PDSS2: variants seen among roughly 807,000 people sequenced by gnomAD.
PDSS2 encodes the protein decaprenyl diphosphate synthase subunit 2, also known as all trans-polyprenyl-diphosphate synthase PDSS2.
In PDSS2, 31 loss-of-function variants were observed where a neutral mutation model predicts 44.5. The ratio of observed to expected loss-of-function variants is 0.70; its 90% CI spans 0.52 to 0.94. The LOEUF (loss-of-function observed/expected upper bound fraction) is 0.94. Ranked by LOEUF, PDSS2 falls within the 40% of genes least tolerant of loss-of-function variation. The pLI, the probability that PDSS2 is intolerant of heterozygous loss-of-function variation, is 0.00. For synonymous variants in PDSS2, 157 were observed against 180.3 expected (o/e 0.87, Z 1.03); for missense variants, 452 against 482.2 (o/e 0.94, Z 0.59).
chr6:107,402,487 C>CTTAT (rs757828638), intron 1 of PDSS2, among the ~76,000 whole-genome samples: 1 of 37,570 alleles, frequency 2.7e-5, no homozygotes, highest in Non-Finnish European at 9.1e-5. Flanking sequence ...TACATATATA[C>CTTAT]GTATATATGT....
chr6:107,234,844 G>A (rs1774172851), intron 4 of PDSS2, among the ~76,000 whole-genome samples: 1 of 152,098 alleles, frequency 6.6e-6, no homozygotes, highest in Admixed American at 6.6e-5. Flanking sequence ...AAAATTTATA[G>A]GAGGGAAATG....
intron 1 of PDSS2, among the ~76,000 whole-genome samples, chr6:107,355,585 C>T (rs1387774714): frequency 6.6e-6 from 1 of 152,116 alleles, no homozygotes; most frequent in Admixed American, 6.5e-5. Context: ...TCCAATCAAG[C>T]TCACCACCCC....
intron 2 of PDSS2, among the ~76,000 whole-genome samples, chr6:107,323,403 T>C (rs1476940359): frequency 6.6e-6 from 1 of 152,190 alleles, no homozygotes; most frequent in African/African-American, 2.4e-5. Context: ...CACAGGATAG[T>C]TGAACCTATC....
chr6:107,171,514 C>CT lies in PDSS2; in HGVS notation c.1042-16738dup, dbSNP rs140571762. On this transcript the variant is annotated intron_variant, in intron 7 of 7. Coordinates refer to ENST00000369037, the MANE Select transcript of PDSS2 (RefSeq NM_020381.4). ...AAAAGACCACAATTTTTTTCAAGTT[C>CT]TTTTTTTTTCTTTTTGAGACAGCGT... 0.01 allele frequency among the ~76,000 whole-genome samples: 1,511 copies of CT among 150,954 alleles called. 68 individuals are homozygous for CT. In the East Asian group the frequency reaches 0.16, roughly 16 times the overall value.
chr6:107,441,194 A>C (rs1443658041), intron 1 of PDSS2, among the ~76,000 whole-genome samples: 1 of 152,212 alleles, frequency 6.6e-6, no homozygotes, highest in Non-Finnish European at 1.5e-5. Context: ...CAGCAAGATA[A>C]AAGAAGGGAG....
chr6:107,263,138 A>ATT (rs1410470469), intron 3 of PDSS2, among the ~76,000 whole-genome samples: 1 of 147,294 alleles, frequency 6.8e-6, no homozygotes, highest in African/African-American at 2.5e-5. Flanking sequence ...TAGAATGCAG[A>ATT]TTTTTTTTTT....
intron 3 of PDSS2, among the ~76,000 whole-genome samples, chr6:107,252,724 TTC>T (rs1329330934): frequency 1.3e-5 from 2 of 152,060 alleles, no homozygotes; most frequent in Non-Finnish European, 2.9e-5. Flanking sequence ...AGCCCAGGAG[TTC>T]GAGACCAGCC....
intron 1 of PDSS2, among the ~76,000 whole-genome samples, chr6:107,358,722 A>T (rs1247738110): frequency 6.6e-6 from 1 of 152,198 alleles, no homozygotes; most frequent in Non-Finnish European, 1.5e-5. Flanking sequence ...CAATCTTGGC[A>T]CTAATGGCAT....
chr6:107,222,284 G>A (rs184660955), intron 4 of PDSS2, among the ~76,000 whole-genome samples: 1 of 152,214 alleles, frequency 6.6e-6, no homozygotes, highest in East Asian at 1.9e-4. Flanking sequence ...TCTCCTGGGA[G>A]CTAACTATGT....
At chr6:107,285,318 TTAAATC>T (rs1403524183) in intron 2 of PDSS2, among the ~76,000 whole-genome samples, 1 of 152,182 alleles carries the variant, frequency 6.6e-6, no homozygotes, top group African/African-American at 2.4e-5. Context: ...GTTCTAGATT[TTAAATC>T]TTACTATAAA....
intron 2 of PDSS2, among the ~76,000 whole-genome samples, chr6:107,286,136 T>TAAAAAAA (rs1554262539): frequency 2.3e-3 from 293 of 128,654 alleles, no homozygotes; most frequent in African/African-American, 3.4e-3. Context: ...CGTCGCAAAA[T>TAAAAAAA]AAAAAAAAAA....
intron 7 of PDSS2, among the ~76,000 whole-genome samples, chr6:107,165,466 G>A (rs1554247353): frequency 6.6e-6 from 1 of 152,198 alleles, no homozygotes; most frequent in Non-Finnish European, 1.5e-5. Context: ...TCAAAGATCA[G>A]ATGGTTGTAG....
chr6:107,412,094 A>G (rs1023878202), intron 1 of PDSS2, among the ~76,000 whole-genome samples: 2 of 151,426 alleles, frequency 1.3e-5, no homozygotes, highest in Non-Finnish European at 2.9e-5. Context: ...TCACCATGTT[A>G]GCAGGCTGGT....
intron 1 of PDSS2, among the ~76,000 whole-genome samples, chr6:107,349,115 C>T (rs1024597500): frequency 2.6e-5 from 4 of 152,134 alleles, no homozygotes; most frequent in Non-Finnish European, 4.4e-5. Context: ...TACCTCATAA[C>T]CATGGGATAC....
chr6:107,200,949 G>A (rs1772748507), intron 6 of PDSS2, among the ~76,000 whole-genome samples: 1 of 152,136 alleles, frequency 6.6e-6, no homozygotes, highest in Non-Finnish European at 1.5e-5. Context: ...ACAGGCATGA[G>A]TCACTGCGGC....
intron 1 of PDSS2, among the ~76,000 whole-genome samples, chr6:107,363,477 G>A (rs1274467705): frequency 6.6e-6 from 1 of 151,972 alleles, no homozygotes; most frequent in Non-Finnish European, 1.5e-5. Context: ...TCTTAAGGCA[G>A]CACGTCTGGA....
chr6:107,199,755 G>A (rs1772706005), intron 6 of PDSS2, among the ~76,000 whole-genome samples: 1 of 152,202 alleles, frequency 6.6e-6, no homozygotes, highest in African/African-American at 2.4e-5. Flanking sequence ...TATTGGTTAT[G>A]TACTACTTAT....
intron 1 of PDSS2, among the ~76,000 whole-genome samples, chr6:107,372,768 C>T (rs570616437): frequency 1.3e-5 from 2 of 151,502 alleles, no homozygotes; most frequent in South Asian, 4.2e-4. Flanking sequence ...TCACATAATT[C>T]TTGCCAAATC....
chr6:107,319,087 G>C (rs1777303720), intron 2 of PDSS2, among the ~76,000 whole-genome samples: 1 of 151,864 alleles, frequency 6.6e-6, no homozygotes, highest in South Asian at 2.1e-4. Context: ...ATGGAAAAAA[G>C]AATGTGCAAT....
Sources: allele counts gnomAD v4.1 joint callset (sites outside exome capture counted in the v4.1 genomes callset), GRCh38; gene constraint gnomAD v4.1.1; transcripts MANE v1.5; gene names NCBI Gene and HGNC (gene_info 2026-07-23, HGNC 2026-07-21).